Variants in CNTN5 observed in about 807,000 individuals in gnomAD.
CNTN5 encodes contactin 5.
Under a neutral mutation model 129.1 loss-of-function variants are expected in CNTN5, and 77 were observed. The observed-to-expected ratio is 0.60, with a 90% CI of 0.50 to 0.72. CNTN5 has a LOEUF of 0.72. CNTN5 is among the 30% of genes least tolerant of loss of function. The pLI is 0.00. For synonymous variants in CNTN5, 509 were observed against 465.6 expected (o/e 1.09, Z -1.20); for missense variants, 1,478 against 1,328.8 (o/e 1.11, Z -1.75).
chr11:99,943,235 G>A (rs753205682), intron 7 of CNTN5, among the ~76,000 whole-genome samples: 2 of 152,058 alleles, frequency 1.3e-5, no homozygotes, highest in Non-Finnish European at 2.9e-5. Context: ...ATTCTAAGTG[G>A]CATGAGATGG....
At chr11:99,283,633 C>T (rs1467471669) in intron 1 of CNTN5, among the ~76,000 whole-genome samples, 2 of 152,036 alleles carry the variant, frequency 1.3e-5, no homozygotes, top group East Asian at 1.9e-4. Flanking sequence ...ATTACAAAGA[C>T]CAGTTGTTTG....
intron 3 of CNTN5, among the ~76,000 whole-genome samples, chr11:99,642,658 A>G (rs906572427): frequency 6.6e-6 from 1 of 152,128 alleles, no homozygotes; most frequent in African/African-American, 2.4e-5. Flanking sequence ...CTTTATTTTT[A>G]ACTGTAGTCA....
At chr11:100,190,347 T>C (rs1033259021) in intron 13 of CNTN5, among the ~76,000 whole-genome samples, 5 of 152,054 alleles carry the variant, frequency 3.3e-5, no homozygotes, top group African/African-American at 4.8e-5. Flanking sequence ...TTCTGGAGCA[T>C]AGAAGGGAGA....
intron 1 of CNTN5, among the ~76,000 whole-genome samples, chr11:99,189,440 A>C (rs1858520469): frequency 6.6e-6 from 1 of 151,624 alleles, no homozygotes; most frequent in Non-Finnish European, 1.5e-5. Context: ...TCTATTTTTA[A>C]TGTATTTGAA....
chr11:99,806,032 A>G (rs1946258320), intron 3 of CNTN5, among the ~76,000 whole-genome samples: 1 of 152,288 alleles, frequency 6.6e-6, no homozygotes, highest in South Asian at 2.1e-4. Flanking sequence ...TCTTTAAAGC[A>G]TTGTGTCTTT....
chr11:99,314,567 T>C (rs1015065445), intron 1 of CNTN5, among the ~76,000 whole-genome samples: 2 of 152,114 alleles, frequency 1.3e-5, no homozygotes, highest in African/African-American at 2.4e-5. Flanking sequence ...CATCTTTCTA[T>C]GGAGCAGGTG....
At chr11:99,847,984 G>A (rs778329337) in intron 6 of CNTN5, among the ~76,000 whole-genome samples, 12 of 152,164 alleles carry the variant, frequency 7.9e-5, no homozygotes, top group Admixed American at 2.0e-4. Flanking sequence ...CAGCCGAGGC[G>A]GGCGGATCAC....
intron 1 of CNTN5, among the ~76,000 whole-genome samples, chr11:99,155,109 G>T (rs1435736406): frequency 6.6e-6 from 1 of 152,108 alleles, no homozygotes; most frequent in African/African-American, 2.4e-5. Context: ...CTCCTCAGCT[G>T]TTCAGCTCTC....
intron 1 of CNTN5, among the ~76,000 whole-genome samples, chr11:99,176,415 T>TGCATAACCTCACTACTTGAATGTATAA (rs1857776102): frequency 1.3e-5 from 2 of 152,212 alleles, no homozygotes; most frequent in Admixed American, 6.5e-5. Flanking sequence ...TTCAATTGTC[T>TGCATAACCTCACTACTTGAATGTATAA]GCATAACCTC....
chr11:99,756,312 T>A (rs1281385828), intron 3 of CNTN5, among the ~76,000 whole-genome samples: 1 of 152,066 alleles, frequency 6.6e-6, no homozygotes, highest in Non-Finnish European at 1.5e-5. Flanking sequence ...TCTACCTATG[T>A]TTTTTTATAG....
chr11:99,610,907 G>C (rs539324693), intron 3 of CNTN5, among the ~76,000 whole-genome samples: 7 of 152,282 alleles, frequency 4.6e-5, no homozygotes, highest in African/African-American at 1.7e-4. Flanking sequence ...AGCGCTATGT[G>C]CTTAGAAAAA....
intron 3 of CNTN5, among the ~76,000 whole-genome samples, chr11:99,801,946 ATTT>A (rs1174296711): frequency 6.6e-6 from 1 of 152,118 alleles, no homozygotes; most frequent in Non-Finnish European, 1.5e-5. Context: ...AAGCATTCAT[ATTT>A]TTTATGGTGC....
At chr11:99,156,805 TGTGGATAGTATTACAATGTGCACA>T (rs1191787037) in intron 1 of CNTN5, among the ~76,000 whole-genome samples, 2 of 152,024 alleles carry the variant, frequency 1.3e-5, no homozygotes, top group African/African-American at 4.8e-5. Context: ...TCAAAAGTGA[TGTGGATAGTATTACAATGTGCACA>T]GTGCTCAAAT....
At chr11:99,828,367 G>T (rs954528807) in intron 4 of CNTN5, among the ~76,000 whole-genome samples, 1 of 152,134 alleles carries the variant, frequency 6.6e-6, no homozygotes, top group Non-Finnish European at 1.5e-5. Flanking sequence ...AATTCTGGAG[G>T]CAGAGAAGTC....
chr11:100,090,751 T>C (rs1056039143), intron 13 of CNTN5, among the ~76,000 whole-genome samples: 2 of 151,692 alleles, frequency 1.3e-5, no homozygotes, highest in Non-Finnish European at 2.9e-5. Flanking sequence ...GTCTTTAATA[T>C]CTATCATTGA....
chr11:100,240,987 C>A (rs1380730572), intron 16 of CNTN5, among the ~76,000 whole-genome samples: 3 of 152,166 alleles, frequency 2.0e-5, no homozygotes, highest in Admixed American at 2.0e-4. Flanking sequence ...GTCTGCATTG[C>A]AGAATTCTAA....
chr11:100,349,234 C>T (rs528748247), intron 23 of CNTN5, among the ~76,000 whole-genome samples: 1 of 151,956 alleles, frequency 6.6e-6, no homozygotes, highest in Non-Finnish European at 1.5e-5. Flanking sequence ...GGAAATATTG[C>T]TTCTCTAAAG....
intron 2 of CNTN5, among the ~76,000 whole-genome samples, chr11:99,517,234 C>T (rs182408451): frequency 1.3e-5 from 2 of 152,052 alleles, no homozygotes; most frequent in Non-Finnish European, 2.9e-5. Context: ...CAAGCTCTAT[C>T]AAATTTCCTT....
chr11:100,319,798 G>GT (rs1951649721), intron 21 of CNTN5, among the ~76,000 whole-genome samples: 1 of 152,170 alleles, frequency 6.6e-6, no homozygotes, highest in East Asian at 1.9e-4. Flanking sequence ...GTAAGACCAT[G>GT]TGGTATTTGT....
Sources: allele counts gnomAD v4.1 joint callset (sites outside exome capture counted in the v4.1 genomes callset), GRCh38; gene constraint gnomAD v4.1.1; transcripts MANE v1.5; gene names NCBI Gene and HGNC (gene_info 2026-07-23, HGNC 2026-07-21).